Variants in ABCC4 observed in about 807,000 individuals in gnomAD.
ABCC4 encodes ATP-binding cassette sub-family C member 4.
In ABCC4, 102 loss-of-function variants were observed where a neutral mutation model predicts 168.5. The ratio of observed to expected loss-of-function variants is 0.61; its 90% CI spans 0.52 to 0.71. The LOEUF (loss-of-function observed/expected upper bound fraction) is 0.71. Ranked by LOEUF, ABCC4 falls within the 30% of genes least tolerant of loss-of-function variation. The probability of loss-of-function intolerance (pLI) is 0.00; values close to 1 mark genes in which losing one functional copy is unlikely to be tolerated. For missense variants in ABCC4, 1,402 were observed against 1,605.8 expected (o/e 0.87, Z 2.17); for synonymous variants, 617 against 590.7 (o/e 1.04, Z -0.65).
At chr13:95,103,036 G>A (rs553489874) in intron 20 of ABCC4, among the ~76,000 whole-genome samples, 2 of 151,730 alleles carry the variant, frequency 1.3e-5, no homozygotes, top group Non-Finnish European at 2.9e-5. Flanking sequence ...GGAGGCTGAG[G>A]TGGGTGGATC....
chr13:95,247,344 CAGT>C (rs2040133341), intron 2 of ABCC4, among the ~76,000 whole-genome samples: 2 of 152,168 alleles, frequency 1.3e-5, no homozygotes, highest in African/African-American at 4.8e-5. Flanking sequence ...GAAGCCCCAT[CAGT>C]AGCACAGATA....
In ABCC4 at chr13:95,097,526, A is replaced by T. The variant is rs75982396; in HGVS notation, c.2536-14236T>A. On this transcript the variant is annotated intron_variant, in intron 20 of 30. Coordinates refer to ENST00000645237, the MANE Select transcript of ABCC4 (RefSeq NM_005845.5). ...TTCAGTAAAGATACTGAAGATCCAG[A>T]TATTATAAGCCAACTTGACCTGTCA... Among the ~76,000 whole-genome samples the T allele has an allele frequency of 7.2e-3, 1,095 of 151,436 alleles. 32 individuals are homozygous for T. The East Asian group carries it at 0.077, about 11-fold the overall frequency.
At chr13:95,064,988 T>C (rs2033475459) in intron 25 of ABCC4, among the ~76,000 whole-genome samples, 1 of 152,204 alleles carries the variant, frequency 6.6e-6, no homozygotes, top group South Asian at 2.1e-4. Flanking sequence ...TTTCCCCAAC[T>C]GGGCCAAGAG....
At chr13:95,168,966 C>T (rs1404056679) in intron 14 of ABCC4, among the ~76,000 whole-genome samples, 1 of 151,934 alleles carries the variant, frequency 6.6e-6, no homozygotes, top group Non-Finnish European at 1.5e-5. Flanking sequence ...TAGGGTGGGC[C>T]CTAGGTCCAG....
intron 19 of ABCC4, among the ~76,000 whole-genome samples, chr13:95,146,689 G>A (rs1485726100): frequency 6.6e-6 from 1 of 152,220 alleles, no homozygotes; most frequent in African/African-American, 2.4e-5. Context: ...GATGCTCAGA[G>A]GCAGAGAGAC....
chr13:95,150,524 G>GTAC (rs980848700), intron 19 of ABCC4, among the ~76,000 whole-genome samples: 1 of 150,854 alleles, frequency 6.6e-6, no homozygotes, highest in African/African-American at 2.4e-5. Flanking sequence ...GCCTCAAAAT[G>GTAC]TACTTTGAAG....
Position 95,207,841 on chromosome 13 carries a change from G to T in ABCC4, c.870C>A (p.Ala290=). The change falls in exon 7 of 31, where the codon GCC becomes GCA. Residue 290 remains alanine (A), a synonymous_variant. Transcript: ENST00000645237. The part of the protein sequence containing the change: ...ITGIRIIKMY[A]WEKSFSNLIT... ...TAAGATTTGAAAATGACTTTTCCCA[G>T]GCGTACATTTTTATTATCCTTATAC... The T allele has an allele frequency of 6.2e-7, 1 of 1,613,322 alleles. No homozygotes were observed. Among genetic ancestry groups the T allele is most frequent in the Non-Finnish European group, 8.5e-7 (1 of 1,179,704 alleles).
intron 20 of ABCC4, among the ~76,000 whole-genome samples, chr13:95,105,670 G>A (rs1289809947): frequency 6.6e-6 from 1 of 152,126 alleles, no homozygotes; most frequent in Non-Finnish European, 1.5e-5. Flanking sequence ...GAAGTATGGT[G>A]ACTAAGCCTA....
At position 95,029,423 on chromosome 13, in the gene ABCC4, T is replaced by C. The variant is rs1477403457; in HGVS notation, c.3870+5182A>G. Among the ~76,000 whole-genome samples the C allele has an allele frequency of 2.6e-5, 4 of 152,164 alleles. No homozygotes were observed. The East Asian group carries it at 7.7e-4, about 29-fold the overall frequency. ...AGAAAAGCTATATATGCACAGATGCTTGTTTATGCACAGAATACATCAACA... is the reference window on the plus strand; with the variant it reads ...AGAAAAGCTATATATGCACAGATGCCTGTTTATGCACAGAATACATCAACA... On this transcript the variant is annotated intron_variant, in intron 30 of 30. Coordinates refer to ENST00000645237, the MANE Select transcript of ABCC4 (RefSeq NM_005845.5).
chr13:95,241,378 A>AAT (rs2039940085), intron 3 of ABCC4, among the ~76,000 whole-genome samples: 1 of 151,498 alleles, frequency 6.6e-6, no homozygotes, highest in African/African-American at 2.4e-5. Context: ...AAAAAAAAAA[A>AAT]ATACACATCT....
chr13:95,280,803 A>G (rs1344278258), intron 1 of ABCC4, among the ~76,000 whole-genome samples: 1 of 152,010 alleles, frequency 6.6e-6, no homozygotes, highest in African/African-American at 2.4e-5. Flanking sequence ...ACTTCAGCCT[A>G]TTTTCTGGGC....
intron 1 of ABCC4, among the ~76,000 whole-genome samples, chr13:95,300,295 G>GATC (rs1355387529): frequency 6.6e-6 from 1 of 152,086 alleles, no homozygotes; most frequent in African/African-American, 2.4e-5. Flanking sequence ...CAAGACCATG[G>GATC]ATCACCTCTC....
chr13:95,288,347 T>C (rs1594447993), intron 1 of ABCC4, among the ~76,000 whole-genome samples: 3 of 152,164 alleles, frequency 2.0e-5, no homozygotes, highest in Admixed American at 1.3e-4. Flanking sequence ...TAAACATTAA[T>C]TAAGCATATT....
chr13:95,097,215 A>AAAAAAT (rs1555311489), intron 20 of ABCC4, among the ~76,000 whole-genome samples: 2 of 151,732 alleles, frequency 1.3e-5, no homozygotes, highest in African/African-American at 4.8e-5. Context: ...ATGTGATAGA[A>AAAAAAT]AAAATAAGAA....
rs570385535 is a variant in ABCC4, at chr13:95,088,320, C to A, written c.2536-5030G>T. On this transcript the variant is annotated intron_variant, in intron 20 of 30. Coordinates refer to ENST00000645237, the MANE Select transcript of ABCC4 (RefSeq NM_005845.5). Reference sequence around the variant, plus strand: ...AGTGGAAATAAAAGATAAGTTTTAACCCACTTATCTTAATAACTGATATAA... The same window carrying A: ...AGTGGAAATAAAAGATAAGTTTTAAACCACTTATCTTAATAACTGATATAA... Among the ~76,000 whole-genome samples the A allele has an allele frequency of 3.9e-3, 595 of 152,248 alleles. 7 individuals carry two copies. The highest frequency in any genetic ancestry group is 0.014 in the African/African-American group (561 of 41,554).
At chr13:95,079,202 G>A (rs1268065126) in intron 21 of ABCC4, among the ~76,000 whole-genome samples, 2 of 152,102 alleles carry the variant, frequency 1.3e-5, no homozygotes, top group Admixed American at 6.5e-5. Context: ...CAGCTCTAAC[G>A]TACTAGTCAG....
chr13:95,159,095 A>ATG (rs1209230361), intron 19 of ABCC4, among the ~76,000 whole-genome samples: 2 of 49,568 alleles, frequency 4.0e-5, no homozygotes, highest in African/African-American at 4.3e-4. Flanking sequence ...AATAAATTTT[A>ATG]TATATATATA....
rs2037170336 is a variant in ABCC4, at chr13:95,163,654, G to A, written c.2176-7C>T. The A allele has an allele frequency of 6.2e-7, 1 of 1,610,012 alleles. No homozygotes were observed. Among genetic ancestry groups the A allele is most frequent in the Non-Finnish European group, 8.5e-7 (1 of 1,177,540 alleles). On this transcript the variant is annotated splice_region_variant and splice_polypyrimidine_tract_variant and intron_variant, in intron 16 of 30. Transcript: ENST00000645237. ...CTTGAAGCACATAGGCAACCTAGGAGGGGAGAAACAACAAAGACAAAAATC... is the reference window on the plus strand; with the variant it reads ...CTTGAAGCACATAGGCAACCTAGGAAGGGAGAAACAACAAAGACAAAAATC...
At chr13:95,068,731 A>G (rs1171614027) in intron 25 of ABCC4, among the ~76,000 whole-genome samples, 2 of 152,110 alleles carry the variant, frequency 1.3e-5, no homozygotes, top group Non-Finnish European at 2.9e-5. Context: ...AACGATATCA[A>G]TGTGGGGATA....
Sources: allele counts gnomAD v4.1 joint callset (sites outside exome capture counted in the v4.1 genomes callset), GRCh38; gene constraint gnomAD v4.1.1; transcripts MANE v1.5; gene names NCBI Gene and HGNC (gene_info 2026-07-23, HGNC 2026-07-21).